The following IFT172 variants were observed in gnomAD, a reference collection of about 807,000 sequenced individuals.
The protein encoded by IFT172 is intraflagellar transport 172, also known as intraflagellar transport protein 172 homolog.
Under a neutral mutation model 248.9 loss-of-function variants are expected in IFT172, and 164 were observed. That is an observed-to-expected ratio of 0.66 (90% CI 0.58 to 0.75). The LOEUF is 0.75. IFT172 is among the 30% of genes least tolerant of loss of function. The pLI, the probability that IFT172 is intolerant of heterozygous loss-of-function variation, is 0.00. For synonymous variants in IFT172, 729 were observed against 791.6 expected (o/e 0.92, Z 1.33); for missense variants, 1,950 against 2,192.4 (o/e 0.89, Z 2.21).
chr2:27,470,628 T>C (rs1231945575), intron 16 of IFT172, among the ~76,000 whole-genome samples: 1 of 152,128 alleles, frequency 6.6e-6, no homozygotes, highest in African/African-American at 2.4e-5. Context: ...TAGAAGGAGA[T>C]GACATTAGAA....
At chr2:27,460,025 AAAG>A (rs1666525549) in intron 23 of IFT172, among the ~76,000 whole-genome samples, 196 bp from the exon 24 acceptor site, 1 of 152,044 alleles carries the variant, frequency 6.6e-6, no homozygotes, top group South Asian at 2.1e-4. Context: ...GTCTGTGTAG[AAAG>A]AAGTAGACAT....
intron 42 of IFT172, among the ~76,000 whole-genome samples, chr2:27,446,661 A>G (rs1206297504): frequency 1.4e-5 from 2 of 141,108 alleles, no homozygotes; most frequent in Non-Finnish European, 3.0e-5. Context: ...CTACAAGCGC[A>G]CATTACCATG....
Position 27,463,172 on chromosome 2 carries a change from A to C in IFT172, c.1947T>G (p.Ser649=). 6.2e-7 allele frequency: 1 copy of C among 1,614,190 alleles called. No individual in the cohort carries two copies. The change falls in exon 19 of 48, where the codon TCT becomes TCG. Residue 649 remains serine, a synonymous_variant. Transcript: ENST00000260570. ...RQLHIAERCF[S]ALGQVAKARF... is the part of the protein sequence containing the mutation. ...GAGCTTTTGCTACTTGGCCCAAAGCAGAAAAGCACCTATGGCATGGAAGCA... is the reference window on the plus strand; with the variant it reads ...GAGCTTTTGCTACTTGGCCCAAAGCCGAAAAGCACCTATGGCATGGAAGCA...
In IFT172 at chr2:27,454,757, A is replaced by G; in HGVS notation, c.3372-97T>C. 1 of 999,526 alleles carries G rather than the reference A, an allele frequency of 1.0e-6. No homozygotes were observed. Among genetic ancestry groups the G allele is most frequent in the South Asian group, 1.4e-5 (1 of 71,396 alleles). 61.9% of individuals were successfully genotyped at this position (999,526 alleles called of 1,614,324 possible). A position where few individuals can be genotyped will look rare whatever the true frequency, so the allele number is the denominator to read the frequency against. The stretch of plus-strand genomic sequence containing the variant: ...AGAAAGGACAGAGTTGAGGGGAGAA[A>G]AAGTGACAGATTTAAGGATAACAAA... On this transcript the variant is annotated intron_variant, in intron 30 of 47. Coordinates refer to ENST00000260570, the MANE Select transcript of IFT172 (RefSeq NM_015662.3). The surrounding 1 kb of genome is among the most constrained non-coding windows in gnomAD (Gnocchi z 4.2).
intron 16 of IFT172, among the ~76,000 whole-genome samples, chr2:27,466,504 C>T (rs748033256): frequency 7.2e-5 from 11 of 152,064 alleles, no homozygotes; most frequent in Non-Finnish European, 1.5e-4. Flanking sequence ...GGTTACAGAT[C>T]ATTAATATGC....
intron 35 of IFT172, 53 bp from the exon 36 acceptor site, chr2:27,450,149 G>A: frequency 7.6e-7 from 1 of 1,315,822 alleles, no homozygotes. Context: ...ATACCGCTGA[G>A]TCCTCAGCCT....
At chr2:27,470,676 T>C (rs1667497587) in intron 16 of IFT172, 1 of 355,084 alleles carries the variant, frequency 2.8e-6, no homozygotes, top group Non-Finnish European at 5.0e-6. Context: ...CCTACAGGGA[T>C]CTCCATATTA....
chr2:27,453,466 C>G lies in IFT172; in HGVS notation c.3869G>C (p.Gly1290Ala), dbSNP rs1432810361. The G allele has an allele frequency of 6.2e-7, 1 of 1,614,176 alleles. No homozygotes were observed. Among genetic ancestry groups the G allele is most frequent in the African/African-American group, 1.3e-5 (1 of 75,064 alleles). ...VEQARHWEQA[G>A]EYSRAVDCYL... ...GCAGTCCACGGCACGGCTGTACTCT[C>G]CAGCCTGCTCCCAGTGTCGAGCTTG... The change falls in exon 35 of 48, where the codon GGA becomes GCA. Residue 1290 changes from glycine to alanine, a missense_variant. By Grantham distance (60) the Gly-to-Ala change is moderately conservative. Coordinates refer to ENST00000260570, the MANE Select transcript of IFT172 (RefSeq NM_015662.3).
intron 18 of IFT172, among the ~76,000 whole-genome samples, chr2:27,463,746 G>C (rs1366106123): frequency 1.3e-5 from 2 of 152,158 alleles, no homozygotes; most frequent in East Asian, 3.8e-4. Context: ...GAAAAAGCCA[G>C]TCATGGCAGG....
chr2:27,489,517 C>A, intron 1 of IFT172, 98 bp downstream of exon 1: 1 of 884,418 alleles, frequency 1.1e-6, no homozygotes, highest in Non-Finnish European at 1.8e-6. Flanking sequence ...TTACAGCCTT[C>A]TGCACACAGT....
rs762906435 is a variant in IFT172, at chr2:27,488,545, T to G, written c.39+1070A>C. Among the ~76,000 whole-genome samples, 4 of 152,234 alleles carry G rather than the reference T, an allele frequency of 2.6e-5. No individual in the cohort carries two copies. In the East Asian group the frequency reaches 7.7e-4, roughly 29 times the overall value. ...TGCTGGGATTACAGGTGTGAGCCAC[T>G]GGGCCTGGCCAGACATCTTATTCTT... On this transcript the variant is annotated intron_variant, in intron 1 of 47. Transcript: ENST00000260570.
chr2:27,488,821 C>T (rs897111165), intron 1 of IFT172, among the ~76,000 whole-genome samples: 1 of 152,078 alleles, frequency 6.6e-6, no homozygotes, highest in African/African-American at 2.4e-5. Flanking sequence ...GTACTGGTGG[C>T]CAGTCTGGGC....
chr2:27,474,626 A>T (rs953825593), intron 14 of IFT172, among the ~76,000 whole-genome samples: 2 of 152,114 alleles, frequency 1.3e-5, no homozygotes, highest in African/African-American at 4.8e-5. Context: ...ATCTCAGCTC[A>T]CTGCAACCTC....
chr2:27,480,364 G>A (rs949393407), intron 8 of IFT172, among the ~76,000 whole-genome samples: 3 of 152,100 alleles, frequency 2.0e-5, no homozygotes, highest in African/African-American at 7.2e-5. Flanking sequence ...AGAGTGAGGG[G>A]AGCAGAGAAA....
intron 26 of IFT172, 85 bp downstream of exon 26, chr2:27,458,694 C>A (rs769946652): frequency 6.8e-7 from 1 of 1,481,228 alleles, no homozygotes; most frequent in South Asian, 1.2e-5. Context: ...GGGAGCCAAG[C>A]GAAGAGGAGA....
Position 27,458,138 on chromosome 2 carries a change from C to T in IFT172, c.2963G>A (p.Arg988His), listed in dbSNP as rs201853736. ...AQEMEKQGKY[R>H]EAERLYVTVQ... is the part of the protein sequence containing the mutation. ...GGCCACGGCTCACCTTTCAGCCTCA[C>T]GGTACTTGCCCTGCTTCTCCATTTC... The change falls in exon 27 of 48, where the codon CGT (arginine) becomes CAT (histidine). Residue 988 changes from arginine to histidine, a missense_variant. By Grantham distance (29) the Arg-to-His change is conservative (BLOSUM62 0). This residue lies in a region of IFT172 where 1,166 missense variants were observed against 1,254.1 expected (regional missense o/e 0.93). Transcript: ENST00000260570. The T allele has an allele frequency of 1.1e-5, 18 of 1,614,070 alleles. No individual in the cohort carries two copies. The highest frequency in any genetic ancestry group is 6.7e-5 in the African/African-American group (5 of 75,044).
rs149837893 is a variant in IFT172 at position 27,448,168 on chromosome 2, C to T, written c.4429-246G>A. Among the ~76,000 whole-genome samples, 1,667 of 152,164 alleles carry T rather than the reference C, an allele frequency of 0.011. 35 individuals carry two copies. Among genetic ancestry groups the T allele is most frequent in the African/African-American group, 0.038 (1,576 of 41,498 alleles). On this transcript the variant is annotated intron_variant, in intron 40 of 47. Transcript: ENST00000260570. ...AGGCTGGAGTGCAGTAGCATGATCT[C>T]GGCTCACTGCAAGCTCTGCCTCCCA...
Position 27,445,111 on chromosome 2 carries a change from G to C in IFT172, c.5069-6C>G. 1 of 1,613,748 alleles carries C rather than the reference G, an allele frequency of 6.2e-7. No homozygotes were observed. The highest frequency in any genetic ancestry group is 8.5e-7 in the Non-Finnish European group (1 of 1,179,926). ...GTTCCTCAGAATGGGGTATCCTGTG[G>C]AGGAAGAAAAAATGATGAACTGGGG... is the stretch of plus-strand genomic sequence containing the variant. On this transcript the variant is annotated splice_region_variant and splice_polypyrimidine_tract_variant and intron_variant, in intron 46 of 47. Coordinates refer to ENST00000260570, the MANE Select transcript of IFT172 (RefSeq NM_015662.3). This position sits in a 1 kb window ranked among gnomAD's most constrained non-coding sequence, Gnocchi z 4.4.
At chr2:27,459,881 G>C in intron 23 of IFT172, 52 bp from the exon 24 acceptor site, 2 of 1,598,386 alleles carry the variant, frequency 1.3e-6, no homozygotes, top group Non-Finnish European at 1.7e-6. Context: ...ATGGGCCTCA[G>C]GAAAAAGGTA....
Sources: allele counts gnomAD v4.1 joint callset (sites outside exome capture counted in the v4.1 genomes callset), GRCh38; gene constraint gnomAD v4.1.1; regional missense constraint gnomAD v4.1.1; non-coding constraint Gnocchi (gnomAD v3.1); transcripts MANE v1.5; gene names NCBI Gene and HGNC (gene_info 2026-07-23, HGNC 2026-07-21).